The following HOPX variants were observed in gnomAD, a reference collection of about 807,000 sequenced individuals.
HOPX encodes homeodomain-only protein.
HOPX carries 5 observed loss-of-function variants against 11.8 expected under a neutral mutation model. The observed-to-expected ratio is 0.43, with a 90% CI of 0.22 to 0.89. The LOEUF is 0.89. HOPX is among the 40% of genes least tolerant of loss of function. HOPX has a pLI of 0.28. For missense variants in HOPX, 119 were observed against 120.0 expected (o/e 0.99, Z 0.04); for synonymous variants, 49 against 49.7 (o/e 0.99, Z 0.06).
In HOPX at chr4:56,681,269, G is replaced by C. The variant is rs1040854442; in HGVS notation, c.-98C>G. 1.1e-5 allele frequency: 11 copies of C among 985,426 alleles called. No individual in the cohort carries two copies. The East Asian group carries it at 7.9e-4, about 71-fold the overall frequency. The allele number at this position is 985,426 out of a possible 1,614,324, so 61.0% of individuals were successfully genotyped here. On this transcript the variant is annotated 5_prime_UTR_variant, in exon 1 of 4. Coordinates refer to ENST00000420433, the MANE Select transcript of HOPX (RefSeq NM_032495.6). ...AAGGTACTTACGTGGAAGAGGCAAAGGCAAGCGCAAGCCCTGGGTTTGGAA... is the reference window on the plus strand; with the variant it reads ...AAGGTACTTACGTGGAAGAGGCAAACGCAAGCGCAAGCCCTGGGTTTGGAA...
At chr4:56,671,360 A>C (rs1289983431) in intron 1 of HOPX, among the ~76,000 whole-genome samples, 1 of 152,084 alleles carries the variant, frequency 6.6e-6, no homozygotes. Flanking sequence ...TCCTCAGGTT[A>C]GTTGTGTATT....
intron 3 of HOPX, among the ~76,000 whole-genome samples, chr4:56,652,140 C>G (rs1717251472): frequency 6.6e-6 from 1 of 152,044 alleles, no homozygotes; most frequent in African/African-American, 2.4e-5. Context: ...ATTACAGCAC[C>G]CTTCACTTTA....
chr4:56,656,040 T>C, intron 2 of HOPX, 28 bp from the exon 3 acceptor site: 1 of 1,537,058 alleles, frequency 6.5e-7, no homozygotes, highest in Non-Finnish European at 8.8e-7. Flanking sequence ...GCGGCGGCGG[T>C]GAGCGAGGCG....
intron 2 of HOPX, among the ~76,000 whole-genome samples, chr4:56,657,448 T>C (rs1267476947): frequency 2.6e-5 from 4 of 152,208 alleles, no homozygotes; most frequent in Non-Finnish European, 5.9e-5. Flanking sequence ...AATGCTGTTA[T>C]AACCTTCTCC....
chr4:56,671,514 G>T (rs567708350), intron 1 of HOPX, among the ~76,000 whole-genome samples: 1 of 152,056 alleles, frequency 6.6e-6, no homozygotes, highest in African/African-American at 2.4e-5. Context: ...ACCCACAGCT[G>T]GTACCTTGCA....
chr4:56,651,592 C>T (rs1717173702), intron 3 of HOPX, among the ~76,000 whole-genome samples: 1 of 152,116 alleles, frequency 6.6e-6, no homozygotes, highest in African/African-American at 2.4e-5. Context: ...TCTGAATAAA[C>T]AGATGATAAT....
In HOPX at chr4:56,667,534, C is replaced by T. The variant is rs530405958; in HGVS notation, c.-83-9635G>A. Among the ~76,000 whole-genome samples the T allele has an allele frequency of 8.0e-4, 122 of 152,220 alleles. 1 individual carries two copies. The highest frequency in any genetic ancestry group is 2.9e-3 in the South Asian group (14 of 4,818). On this transcript the variant is annotated intron_variant, in intron 1 of 3. Transcript: ENST00000420433. Reference sequence around the variant, plus strand: ...ATTAGCACAACCGTATTGACAATAACCAAAGCAGGCAGAGGCCCAAGCATA... The same window carrying T: ...ATTAGCACAACCGTATTGACAATAATCAAAGCAGGCAGAGGCCCAAGCATA...
intron 1 of HOPX, among the ~76,000 whole-genome samples, chr4:56,660,568 AT>A (rs369721959): frequency 0.034 from 5,087 of 151,600 alleles, 139 homozygotes; most frequent in South Asian, 0.11. Flanking sequence ...TTGAAAAAAA[AT>A]TTTTTTTCCC....
At chr4:56,650,578 T>A in intron 3 of HOPX, 1 of 1,286,558 alleles carries the variant, frequency 7.8e-7, no homozygotes, top group Non-Finnish European at 1.1e-6. Flanking sequence ...TCCACATCAA[T>A]GCTAAGCAGG....
In HOPX at chr4:56,648,992, A is replaced by C. The variant is rs572181129; in HGVS notation, c.199-195T>G. Reference sequence around the variant, plus strand: ...TGCACATGCTATTTCCTATGTTTAGAATATTCTCTCTTTATTCTTTATCTG... The same window carrying C: ...TGCACATGCTATTTCCTATGTTTAGCATATTCTCTCTTTATTCTTTATCTG... On this transcript the variant is annotated intron_variant, in intron 3 of 3. Transcript: ENST00000420433. 6.2e-6 allele frequency: 3 copies of C among 482,962 alleles called. No individual in the cohort carries two copies. The Admixed American group carries it at 1.0e-4, about 16-fold the overall frequency. The allele number at this position is 482,962 out of a possible 1,614,324, so 29.9% of individuals were successfully genotyped here.
At chr4:56,668,269 A>G (rs1718545516) in intron 1 of HOPX, among the ~76,000 whole-genome samples, 1 of 152,230 alleles carries the variant, frequency 6.6e-6, no homozygotes, top group African/African-American at 2.4e-5. Context: ...TGAAATAAAG[A>G]AAGCGAACAA....
At position 56,655,901 on chromosome 4, in the gene HOPX, A is replaced by C. The variant is rs747420323; in HGVS notation, c.154T>G (p.Cys52Gly). The stretch of plus-strand genomic sequence containing the variant: ...AGGCCTGCCTCGGCCGCGATGAGGC[A>C]CAGCGTGGTGGAATCCGGGTGCTTG... ...VDKHPDSTTL[C>G]LIAAEAGLSE... is the part of the protein sequence containing the mutation. The change falls in exon 3 of 4, where the codon TGC becomes GGC. Residue 52 changes from cysteine (C) to glycine (G), a missense_variant. Physicochemically the swap from Cys to Gly is radical, Grantham distance 159 (BLOSUM62 -3). Transcript: ENST00000420433. The C allele has an allele frequency of 5.6e-6, 9 of 1,611,936 alleles. No homozygotes were observed. In the African/African-American group the frequency reaches 1.1e-4, roughly 19 times the overall value.
chr4:56,650,609 C>T lies in HOPX; in HGVS notation c.199-1812G>A, dbSNP rs551626496. On this transcript the variant is annotated intron_variant, in intron 3 of 3. Coordinates refer to ENST00000420433, the MANE Select transcript of HOPX (RefSeq NM_032495.6). Reference sequence around the variant, plus strand: ...GCAGGCTGAATAGCATGGGAACACACCTACACCTCACCCACCTGTACAGCA... The same window carrying T: ...GCAGGCTGAATAGCATGGGAACACATCTACACCTCACCCACCTGTACAGCA... 37 of 1,490,748 alleles carry T rather than the reference C, an allele frequency of 2.5e-5. No individual in the cohort carries two copies. The East Asian group carries it at 8.4e-4, about 34-fold the overall frequency. The allele number at this position is 1,490,748 out of a possible 1,614,324, so 92.3% of individuals were successfully genotyped here.
chr4:56,656,177 T>G (rs1458521178), intron 2 of HOPX, 165 bp from the exon 3 acceptor site: 10 of 1,112,482 alleles, frequency 9.0e-6, no homozygotes, highest in Non-Finnish European at 1.1e-5. Context: ...GAGCGGGGGC[T>G]TACGGCTGCC....
intron 3 of HOPX, chr4:56,649,042 C>T (rs1716910938): frequency 5.5e-6 from 2 of 365,656 alleles, no homozygotes; most frequent in Non-Finnish European, 1.0e-5. Context: ...ATCCTCACAT[C>T]TCAGCTTAAA....
rs942874396 is a variant in HOPX, at chr4:56,656,185, GC to G, written c.43-174del. 7.2e-4 allele frequency: 797 copies of G among 1,111,396 alleles called. 3 individuals carry two copies. The highest frequency in any genetic ancestry group is 1.9e-3 in the Admixed American group (42 of 22,430). The allele number at this position is 1,111,396 out of a possible 1,614,324, so 68.8% of individuals were successfully genotyped here. ...GCACGCTGAGCGGGGGCTTACGGCT[GC>G]CCCCCACCCGGGCCTCCCTCCCTGG... is the stretch of plus-strand genomic sequence containing the variant. On this transcript the variant is annotated intron_variant, in intron 2 of 3. Transcript: ENST00000420433.
chr4:56,670,539 G>T lies in HOPX; in HGVS notation c.-84+10716C>A, dbSNP rs114366231. On this transcript the variant is annotated intron_variant, in intron 1 of 3. Coordinates refer to ENST00000420433, the MANE Select transcript of HOPX (RefSeq NM_032495.6). Reference sequence around the variant, plus strand: ...ATATTCCTTTTATGTTTTGGAGTACGTTATTAATTTTTGATTGCCCATTTA... The same window carrying T: ...ATATTCCTTTTATGTTTTGGAGTACTTTATTAATTTTTGATTGCCCATTTA... Among the ~76,000 whole-genome samples, 380 of 152,254 alleles carry T rather than the reference G, an allele frequency of 2.5e-3. 1 individual carries two copies. Among genetic ancestry groups the T allele is most frequent in the Middle Eastern group, 0.01 (3 of 294 alleles).
intron 1 of HOPX, among the ~76,000 whole-genome samples, chr4:56,667,195 A>G (rs1718482826): frequency 6.6e-6 from 1 of 152,146 alleles, no homozygotes; most frequent in South Asian, 2.1e-4. Flanking sequence ...TCCCTTCAAG[A>G]AGTATGACTT....
At chr4:56,671,580 C>G (rs1325725547) in intron 1 of HOPX, among the ~76,000 whole-genome samples, 3 of 152,036 alleles carry the variant, frequency 2.0e-5, no homozygotes, top group African/African-American at 7.3e-5. Context: ...CCATGCTACT[C>G]AGTGATATGG....
Sources: gnomAD v4.1 joint callset for allele counts (sites outside exome capture counted in the v4.1 genomes callset) on GRCh38, gnomAD v4.1.1 for gene constraint, MANE v1.5 for transcripts, NCBI Gene and HGNC (gene_info 2026-07-23, HGNC 2026-07-21) for gene names.